UNC79: variants seen among roughly 807,000 people sequenced by gnomAD.
UNC79 encodes the protein unc-79 subunit of NALCN channel complex, also known as protein unc-79 homolog.
UNC79 carries 37 observed loss-of-function variants against 283.1 expected under a neutral mutation model. That is an observed-to-expected ratio of 0.13 (90% CI 0.10 to 0.17). The LOEUF is 0.17. Among genes scored for constraint, UNC79 ranks in the 10% least tolerant of loss-of-function variants. UNC79 has a pLI of 1.00. For synonymous variants in UNC79, 1,107 were observed against 1,200.2 expected (o/e 0.92, Z 1.61); for missense variants, 2,272 against 3,211.1 (o/e 0.71, Z 7.07).
chr14:93,494,582 A>C (rs919203226), intron 5 of UNC79, among the ~76,000 whole-genome samples: 1 of 152,200 alleles, frequency 6.6e-6, no homozygotes, highest in Non-Finnish European at 1.5e-5. Context: ...CTTTGAGCCC[A>C]CACACAAGTG....
intron 1 of UNC79, among the ~76,000 whole-genome samples, chr14:93,384,872 A>G (rs937052577): frequency 3.3e-5 from 5 of 152,222 alleles, no homozygotes; most frequent in Admixed American, 2.6e-4. Context: ...GGTAAGAAGT[A>G]GGAGTCTAGT....
At chr14:93,481,764 A>G (rs2058157438) in intron 4 of UNC79, among the ~76,000 whole-genome samples, 1 of 152,208 alleles carries the variant, frequency 6.6e-6, no homozygotes, top group Admixed American at 6.5e-5. Flanking sequence ...AAACAGTAAA[A>G]ATGCAAAATA....
At chr14:93,553,927 C>T (rs1469124933) in intron 14 of UNC79, among the ~76,000 whole-genome samples, 4 of 152,142 alleles carry the variant, frequency 2.6e-5, no homozygotes. Flanking sequence ...ATTTAAAACA[C>T]TTGACATCAC....
chr14:93,340,401 C>T (rs1372776584), intron 1 of UNC79, among the ~76,000 whole-genome samples: 1 of 143,824 alleles, frequency 7.0e-6, no homozygotes, highest in African/African-American at 2.6e-5. Context: ...GAGATTGCGC[C>T]ACTGCACTCT....
chr14:93,400,749 T>G (rs2055092569), intron 1 of UNC79, among the ~76,000 whole-genome samples: 1 of 151,216 alleles, frequency 6.6e-6, no homozygotes, highest in African/African-American at 2.4e-5. Flanking sequence ...GAGAGTGGAG[T>G]GAGAGCAGTA....
chr14:93,595,707 AG>A (rs1271484030), intron 23 of UNC79, among the ~76,000 whole-genome samples: 1 of 152,050 alleles, frequency 6.6e-6, no homozygotes, highest in African/African-American at 2.4e-5. Flanking sequence ...CCCTGTGGAG[AG>A]TGGTTTATGT....
intron 1 of UNC79, among the ~76,000 whole-genome samples, chr14:93,446,883 A>G (rs563042284): frequency 9.8e-5 from 15 of 152,354 alleles, no homozygotes; most frequent in African/African-American, 3.6e-4. Context: ...CCAATTGAAA[A>G]CAAAATGTAT....
chr14:93,593,741 C>T (rs1005666327), exon 23 of UNC79: 1 of 1,614,018 alleles, frequency 6.2e-7, no homozygotes, highest in South Asian at 1.1e-5. Flanking sequence ...CCCTCTTCTC[C>T]TCCATGCCCT....
chr14:93,487,253 T>C (rs1186221883), intron 4 of UNC79, among the ~76,000 whole-genome samples: 1 of 152,202 alleles, frequency 6.6e-6, no homozygotes, highest in Non-Finnish European at 1.5e-5. Context: ...ATTAATACAT[T>C]CAATTTGAGT....
chr14:93,609,650 T>TA (rs2066153448), intron 26 of UNC79, among the ~76,000 whole-genome samples: 1 of 152,254 alleles, frequency 6.6e-6, no homozygotes, highest in Non-Finnish European at 1.5e-5. Flanking sequence ...TTTGTTTTCT[T>TA]AGAGAAAATG....
At chr14:93,464,575 A>G (rs1371773874) in intron 1 of UNC79, 1 of 456,332 alleles carries the variant, frequency 2.2e-6, no homozygotes, top group Non-Finnish European at 4.4e-6. Context: ...GCGCCACAAA[A>G]TTCAGTCAAT....
chr14:93,333,241 C>CCGGGCGTCGGGTTGCTGGGAGT (rs1566873272), exon 1 of UNC79: 1 of 400,134 alleles, frequency 2.5e-6, no homozygotes, highest in Non-Finnish European at 4.4e-6. Context: ...CGGCTGGGAG[C>CCGGGCGTCGGGTTGCTGGGAGT]CGGGCGTCGG....
chr14:93,405,795 AT>A (rs1403162949), intron 1 of UNC79, among the ~76,000 whole-genome samples: 1 of 152,268 alleles, frequency 6.6e-6, no homozygotes, highest in Non-Finnish European at 1.5e-5. Context: ...TGGAAAGTAA[AT>A]GCACTTGTTA....
chr14:93,646,798 C>G, intron 35 of UNC79, 152 bp downstream of exon 38: 1 of 720,474 alleles, frequency 1.4e-6, no homozygotes, highest in South Asian at 1.9e-5. Flanking sequence ...TCACTCGAGC[C>G]CGGGAGTTCA....
intron 40 of UNC79, among the ~76,000 whole-genome samples, chr14:93,669,339 T>C (rs1218870034): frequency 6.6e-6 from 1 of 152,190 alleles, no homozygotes; most frequent in Non-Finnish European, 1.5e-5. Context: ...AGAGCCCAGA[T>C]ATTCAGAGGT....
At chr14:93,673,608 A>G (rs1386784930) in intron 41 of UNC79, among the ~76,000 whole-genome samples, 153 bp downstream of exon 44, 1 of 152,098 alleles carries the variant, frequency 6.6e-6, no homozygotes, top group Non-Finnish European at 1.5e-5. Flanking sequence ...AACTAATAGT[A>G]TGCACCTGAC....
chr14:93,609,975 C>T (rs2066180586), intron 26 of UNC79, among the ~76,000 whole-genome samples: 1 of 152,096 alleles, frequency 6.6e-6, no homozygotes, highest in Non-Finnish European at 1.5e-5. Flanking sequence ...TTAAAGATTA[C>T]TCATTACTTG....
chr14:93,528,977 A>G (rs1164210859), intron 9 of UNC79, among the ~76,000 whole-genome samples: 2 of 152,166 alleles, frequency 1.3e-5, no homozygotes, highest in East Asian at 3.9e-4. Context: ...CATACAAATT[A>G]TATGGGTTCT....
At chr14:93,402,531 C>T (rs1378729558) in intron 1 of UNC79, among the ~76,000 whole-genome samples, 22 of 151,792 alleles carry the variant, frequency 1.4e-4, no homozygotes, top group Non-Finnish European at 2.9e-5. Flanking sequence ...GAAATATATA[C>T]ACCATTGAAA....
Sources: gnomAD v4.1 joint callset for allele counts (sites outside exome capture counted in the v4.1 genomes callset) on GRCh38, gnomAD v4.1.1 for gene constraint, MANE v1.5 for transcripts, NCBI Gene and HGNC (gene_info 2026-07-23, HGNC 2026-07-21) for gene names.